The following SRCIN1 variants were observed in gnomAD, a reference collection of about 807,000 sequenced individuals.
SRCIN1 encodes the protein P130Cas-associated protein.
In SRCIN1, 50 loss-of-function variants were observed where a neutral mutation model predicts 116.2. That is an observed-to-expected ratio of 0.43 (90% confidence interval 0.34 to 0.54). SRCIN1 has a LOEUF of 0.54. SRCIN1 is among the 20% of genes least tolerant of loss of function. The pLI is 0.02. For synonymous variants in SRCIN1, 736 were observed against 750.0 expected, an observed-to-expected ratio of 0.98 and a Z score of 0.30; for missense variants, 1,446 against 1,672.0, an observed-to-expected ratio of 0.86 and a Z score of 2.36.
rs1414323489 is a variant in SRCIN1, at chr17:38,530,702, C to T, written c.*2595G>A. On this transcript the variant is annotated 3_prime_UTR_variant, in exon 19 of 19. Coordinates refer to ENST00000617146, the MANE Select transcript of SRCIN1 (RefSeq NM_025248.3). ...GCACCTCCATGTATGCGTCTCTATC[C>T]ACATGTACGTGGCCCACACACAAGT... 6.6e-6 allele frequency: 1 copy of T among 152,340 alleles called. No individual in the cohort carries two copies. The allele number at this position is 152,340 out of a possible 1,614,324, so 9.4% of individuals were successfully genotyped here. A position where few individuals can be genotyped will look rare whatever the true frequency, so the allele number is the denominator to read the frequency against.
chr17:38,558,177 T>G lies in SRCIN1; in HGVS notation c.2201+50A>C, dbSNP rs754160065. The G allele has an allele frequency of 1.9e-6, 3 of 1,588,550 alleles. No individual in the cohort carries two copies. The highest frequency in any genetic ancestry group is 2.6e-6 in the Non-Finnish European group (3 of 1,165,460). On this transcript the variant is annotated intron_variant, in intron 11 of 18. Coordinates refer to ENST00000617146, the MANE Select transcript of SRCIN1 (RefSeq NM_025248.3). The surrounding 1 kb of genome is among the most constrained non-coding windows in gnomAD (Gnocchi z 4.6). ...CCTCCCAGGGAAACCAGGTTGCGGG[T>G]CACTCCAGCCGCACCCCCACCCCTC... is the stretch of plus-strand genomic sequence containing the variant.
intron 3 of SRCIN1, 46 bp from the exon 4 acceptor site, chr17:38,564,359 C>T (rs58304785): frequency 1.4e-6 from 2 of 1,380,142 alleles, no homozygotes; most frequent in South Asian, 1.4e-5. Context: ...TGAGCACCCC[C>T]CCTCCCCTTT....
At position 38,605,664 on chromosome 17, in the gene SRCIN1, GGA is replaced by G; in HGVS notation, c.22+18_22+19del. 2 of 1,388,196 alleles carry G rather than the reference GGA, an allele frequency of 1.4e-6. No homozygotes were observed. Among genetic ancestry groups the G allele is most frequent in the Non-Finnish European group, 1.9e-6 (2 of 1,064,040 alleles). 86.0% of individuals were successfully genotyped at this position (1,388,196 alleles called of 1,614,324 possible). On this transcript the variant is annotated intron_variant, in intron 1 of 18. Coordinates refer to ENST00000617146, the MANE Select transcript of SRCIN1 (RefSeq NM_025248.3). ...CTTAAGCATGGAGGCACATTAGGGAGGAGAGAGACAGGGACATGCCTTGGGAC... is the reference window on the plus strand; with the variant it reads ...CTTAAGCATGGAGGCACATTAGGGAGGAGAGACAGGGACATGCCTTGGGAC...
At chr17:38,601,441 G>A (rs144628418) in intron 1 of SRCIN1, among the ~76,000 whole-genome samples, 96 of 152,296 alleles carry the variant, frequency 6.3e-4, no homozygotes, top group Non-Finnish European at 1.0e-3. Context: ...GGCAGTGCAA[G>A]GGCAGCATAG....
intron 3 of SRCIN1, among the ~76,000 whole-genome samples, chr17:38,567,187 G>C (rs1395916598): frequency 6.6e-6 from 1 of 152,308 alleles, no homozygotes; most frequent in Non-Finnish European, 1.5e-5. Flanking sequence ...TTACAGGCGT[G>C]AGCCAGCACA....
In SRCIN1 at chr17:38,558,269, A is replaced by C; in HGVS notation, c.2159T>G (p.Leu720Arg). The C allele has an allele frequency of 6.2e-7, 1 of 1,612,908 alleles. No homozygotes were observed. The highest frequency in any genetic ancestry group is 8.5e-7 in the Non-Finnish European group (1 of 1,179,698). ...AAGCTCCTCGTCGTTGAGATAGCGC[A>C]GCCGTTCCTCTTCCACCAGGGTGCG... ...RQRTLVEEER[L>R]RYLNDEELIT... The change falls in exon 11 of 19, where the codon CTG becomes CGG. Residue 720 changes from leucine (L) to arginine (R), a missense_variant. Transcript: ENST00000617146. The surrounding 1 kb of genome is among the most constrained non-coding windows in gnomAD (Gnocchi z 4.6).
chr17:38,574,985 G>A lies in SRCIN1; in HGVS notation c.324+3505C>T, dbSNP rs1222106259. ...GGTCCAGCCGCCAACCTGTGTGTGC[G>A]AAGCGGGGGACACCCCATTAGGGGA... is the stretch of plus-strand genomic sequence containing the variant. On this transcript the variant is annotated intron_variant, in intron 2 of 18. Coordinates refer to ENST00000617146, the MANE Select transcript of SRCIN1 (RefSeq NM_025248.3). The A allele has an allele frequency of 1.0e-5, 4 of 400,806 alleles. No individual in the cohort carries two copies. The East Asian group carries it at 1.1e-4, about 11-fold the overall frequency. The allele number at this position is 400,806 out of a possible 1,614,324, so 24.8% of individuals were successfully genotyped here.
chr17:38,578,203 TAA>T (rs1907533546), intron 2 of SRCIN1, among the ~76,000 whole-genome samples: 1 of 152,178 alleles, frequency 6.6e-6, no homozygotes, highest in African/African-American at 2.4e-5. Context: ...CAGCCTGAGT[TAA>T]AGAGGCTGGG....
intron 2 of SRCIN1, among the ~76,000 whole-genome samples, chr17:38,574,475 G>A (rs1366699891): frequency 6.6e-6 from 1 of 152,158 alleles, no homozygotes; most frequent in Non-Finnish European, 1.5e-5. Flanking sequence ...GGGACATCTG[G>A]GGAAGGCTGG....
chr17:38,559,528 A>G lies in SRCIN1; in HGVS notation c.2025+57T>C, dbSNP rs1298006211. 3.2e-6 allele frequency: 5 copies of G among 1,552,344 alleles called. No individual in the cohort carries two copies. The East Asian group carries it at 6.8e-5, about 21-fold the overall frequency. ...AGGGGATGGGGCGGGACTTGCGGCA[A>G]GGGACTTCTACCAGTAGGTGGGCGT... On this transcript the variant is annotated intron_variant, in intron 10 of 18. Coordinates refer to ENST00000617146, the MANE Select transcript of SRCIN1 (RefSeq NM_025248.3).
In SRCIN1 at chr17:38,552,584, C is replaced by T. The variant is rs1437875622; in HGVS notation, c.2343G>A (p.Pro781=). 1.4e-5 allele frequency: 22 copies of T among 1,611,592 alleles called. No individual in the cohort carries two copies. Among genetic ancestry groups the T allele is most frequent in the African/African-American group, 2.7e-5 (2 of 74,848 alleles). The change falls in exon 13 of 19, where the codon CCG becomes CCA. Residue 781 remains proline (P), a synonymous_variant. Transcript: ENST00000617146. The surrounding 1 kb of genome is among the most constrained non-coding windows in gnomAD (Gnocchi z 5.3). ...ETLTELKAHF[P]GLQSKMRVVL... ...CCACCCGCATCTTGCTCTGCAGGCC[C>T]GGGAAGTGAGCTGAGGAGACAGGAA...
In SRCIN1 at chr17:38,568,079, G is replaced by A. The variant is rs1906836975; in HGVS notation, c.345+132C>T. On this transcript the variant is annotated intron_variant, in intron 3 of 18. Coordinates refer to ENST00000617146, the MANE Select transcript of SRCIN1 (RefSeq NM_025248.3). The surrounding 1 kb of genome is among the most constrained non-coding windows in gnomAD (Gnocchi z 4.5). ...CAGCAGCCACAGCCTGCAGCCCCGAGGCCCACCGCCCATACCAGAAGGTGT... is the reference window on the plus strand; with the variant it reads ...CAGCAGCCACAGCCTGCAGCCCCGAAGCCCACCGCCCATACCAGAAGGTGT... 2 of 1,113,478 alleles carry A rather than the reference G, an allele frequency of 1.8e-6. No homozygotes were observed. The highest frequency in any genetic ancestry group is 2.7e-6 in the Non-Finnish European group (2 of 750,088). The allele number at this position is 1,113,478 out of a possible 1,614,324, so 69.0% of individuals were successfully genotyped here. A position where few individuals can be genotyped will look rare whatever the true frequency, so the allele number is the denominator to read the frequency against.
chr17:38,549,227 G>T lies in SRCIN1; in HGVS notation c.2963-17C>A. On this transcript the variant is annotated splice_polypyrimidine_tract_variant and intron_variant, in intron 15 of 18. Transcript: ENST00000617146. ...TCAACTCATCTGCAGGCACCAAGGG[G>T]CTGGGGGTCAGCAGGCCTGCAACCT... 1 of 1,498,896 alleles carries T rather than the reference G, an allele frequency of 6.7e-7. No individual in the cohort carries two copies. The highest frequency in any genetic ancestry group is 8.9e-7 in the Non-Finnish European group (1 of 1,129,062). 92.8% of individuals were successfully genotyped at this position (1,498,896 alleles called of 1,614,324 possible).
At chr17:38,539,497 A>T (rs1904597149) in intron 18 of SRCIN1, among the ~76,000 whole-genome samples, 1 of 152,064 alleles carries the variant, frequency 6.6e-6, no homozygotes, top group African/African-American at 2.4e-5. Flanking sequence ...TGGCAGGGTG[A>T]GAGAGAGGTA....
intron 18 of SRCIN1, among the ~76,000 whole-genome samples, chr17:38,543,364 C>T (rs530611610): frequency 3.3e-5 from 5 of 152,212 alleles, no homozygotes; most frequent in African/African-American, 1.2e-4. Flanking sequence ...GAATAGCAGG[C>T]GGAGCCCTGG....
intron 17 of SRCIN1, among the ~76,000 whole-genome samples, chr17:38,546,263 G>A (rs373211440): frequency 3.3e-5 from 5 of 152,210 alleles, no homozygotes; most frequent in East Asian, 1.9e-4. Context: ...TCACCAGGGC[G>A]AGGGAGGTAA....
At chr17:38,589,718 T>A (rs1447334905) in intron 1 of SRCIN1, among the ~76,000 whole-genome samples, 1 of 152,136 alleles carries the variant, frequency 6.6e-6, no homozygotes, top group Non-Finnish European at 1.5e-5. Context: ...AGCTTCCAGC[T>A]CTGCTGATGG....
At chr17:38,589,911 C>T (rs1467305102) in intron 1 of SRCIN1, among the ~76,000 whole-genome samples, 2 of 152,174 alleles carry the variant, frequency 1.3e-5, no homozygotes, top group Non-Finnish European at 2.9e-5. Flanking sequence ...GCCCGGAGTT[C>T]ACAGTTTGGA....
At chr17:38,575,893 C>T (rs1278865223) in intron 2 of SRCIN1, among the ~76,000 whole-genome samples, 1 of 152,166 alleles carries the variant, frequency 6.6e-6, no homozygotes, top group Non-Finnish European at 1.5e-5. Flanking sequence ...ATTCCACAAA[C>T]ACTGCCTGAG....
Sources: gnomAD v4.1 joint callset for allele counts (sites outside exome capture counted in the v4.1 genomes callset) on GRCh38, gnomAD v4.1.1 for gene constraint, Gnocchi (gnomAD v3.1) non-coding constraint, MANE v1.5 for transcripts, NCBI Gene and HGNC (gene_info 2026-07-23, HGNC 2026-07-21) for gene names.